CAMKK2: variants seen among roughly 807,000 people sequenced by gnomAD.
The protein encoded by CAMKK2 is calcium/calmodulin dependent protein kinase kinase 2.
In CAMKK2, 30 loss-of-function variants were observed where a neutral mutation model predicts 67.2. That is an observed-to-expected ratio of 0.45 (90% CI 0.33 to 0.61). The LOEUF (loss-of-function observed/expected upper bound fraction) is 0.61, where lower values mean the gene tolerates loss of function less well. CAMKK2 is among the 20% of genes least tolerant of loss of function. The pLI, the probability that CAMKK2 is intolerant of heterozygous loss-of-function variation, is 0.02. For missense variants in CAMKK2, 643 were observed against 802.0 expected (o/e 0.80, Z 2.39); for synonymous variants, 322 against 326.2 (o/e 0.99, Z 0.14).
At chr12:121,265,918 C>T (rs978861071) in intron 5 of CAMKK2, among the ~76,000 whole-genome samples, 8 of 151,590 alleles carry the variant, frequency 5.3e-5, no homozygotes, top group Admixed American at 3.9e-4. Flanking sequence ...TGTAAGGATG[C>T]GGTCAGAAGG....
At chr12:121,294,683 A>G (rs562265750) in intron 1 of CAMKK2, among the ~76,000 whole-genome samples, 1 of 152,290 alleles carries the variant, frequency 6.6e-6, no homozygotes, top group Non-Finnish European at 1.5e-5. Context: ...GAGCCCTTCT[A>G]TAAAATGGGG....
chr12:121,271,142 G>A (rs1895673046), intron 2 of CAMKK2, among the ~76,000 whole-genome samples, 197 bp from the exon 3 acceptor site: 1 of 151,858 alleles, frequency 6.6e-6, no homozygotes, highest in African/African-American at 2.4e-5. Context: ...AGGCGTGGTG[G>A]TGGGCACCTG....
intron 1 of CAMKK2, among the ~76,000 whole-genome samples, chr12:121,279,804 T>C (rs979352299): frequency 3.9e-5 from 6 of 152,212 alleles, no homozygotes; most frequent in African/African-American, 1.2e-4. Context: ...CTGGAGCAGA[T>C]GGACCCGGGA....
chr12:121,273,512 T>C lies in CAMKK2; in HGVS notation c.471+544A>G, dbSNP rs142271829. On this transcript the variant is annotated intron_variant, in intron 2 of 16. Transcript: ENST00000404169. Reference sequence around the variant, plus strand: ...CCTGTGAGAAATGCACAGCAAGTGCTGAACCCAGTGCCTGGTGCCAACACA... The same window carrying C: ...CCTGTGAGAAATGCACAGCAAGTGCCGAACCCAGTGCCTGGTGCCAACACA... Among the ~76,000 whole-genome samples the C allele has an allele frequency of 3.0e-3, 463 of 152,186 alleles. 2 individuals are homozygous for C. Among genetic ancestry groups the C allele is most frequent in the Admixed American group, 4.3e-3 (65 of 15,290 alleles).
intron 4 of CAMKK2, 98 bp from the exon 5 acceptor site, chr12:121,268,787 G>C (rs1186133373): frequency 9.0e-7 from 1 of 1,109,008 alleles, no homozygotes; most frequent in Non-Finnish European, 1.4e-6. Flanking sequence ...CTACTCCAAA[G>C]CCGGCCCAAG....
rs1017478209 is a variant in CAMKK2 at position 121,240,678 on chromosome 12, G to A, written c.*21C>T. ...CCCAGAGGCGACGCGGCGCGCATGC[G>A]AGGTCGAGCGATCCAGGCAGCTACT... On this transcript the variant is annotated 3_prime_UTR_variant, in exon 17 of 17. Coordinates refer to ENST00000404169, the MANE Select transcript of CAMKK2 (RefSeq NM_001270485.2). This position sits in a 1 kb window ranked among gnomAD's most constrained non-coding sequence, Gnocchi z 4.4. 1.9e-6 allele frequency: 3 copies of A among 1,576,120 alleles called. No homozygotes were observed. The highest frequency in any genetic ancestry group is 1.8e-5 in the Admixed American group (1 of 54,282).
chr12:121,281,359 G>A (rs1316197873), intron 1 of CAMKK2, among the ~76,000 whole-genome samples: 4 of 152,174 alleles, frequency 2.6e-5, no homozygotes, highest in Admixed American at 6.5e-5. Context: ...GCCTCATCCC[G>A]GGCACAACAA....
rs370790029 is a variant in CAMKK2 at position 121,283,318 on chromosome 12, CTGGCTCTCTCCT to C, written c.-59-8745_-59-8734del. Among the ~76,000 whole-genome samples the C allele has an allele frequency of 2.3e-3, 349 of 152,288 alleles. 3 individuals carry two copies. The highest frequency in any genetic ancestry group is 8.0e-3 in the African/African-American group (333 of 41,568). On this transcript the variant is annotated intron_variant, in intron 1 of 16. Transcript: ENST00000404169. ...GATCCAGTGACACCAACTGTTACAA[CTGGCTCTCTCCT>C]TCAGCGCTCTTTAATTTGGGGCCAC...
Position 121,248,598 on chromosome 12 carries a change from C to T in CAMKK2, c.1452+8G>A. 6.2e-7 allele frequency: 1 copy of T among 1,614,168 alleles called. No individual in the cohort carries two copies. Among genetic ancestry groups the T allele is most frequent in the African/African-American group, 1.3e-5 (1 of 75,064 alleles). ...CCCTGCTCTGGGTCAGGGGTCCATCCACCTTACCACGGTTGCCAAGCTGGG... is the reference window on the plus strand; with the variant it reads ...CCCTGCTCTGGGTCAGGGGTCCATCTACCTTACCACGGTTGCCAAGCTGGG... On this transcript the variant is annotated splice_region_variant and intron_variant, in intron 14 of 16. Coordinates refer to ENST00000404169, the MANE Select transcript of CAMKK2 (RefSeq NM_001270485.2).
At chr12:121,252,879 A>G (rs558359903) in intron 10 of CAMKK2, among the ~76,000 whole-genome samples, 165 bp from the exon 11 acceptor site, 12 of 152,262 alleles carry the variant, frequency 7.9e-5, no homozygotes, top group African/African-American at 2.6e-4. Flanking sequence ...GGCCAGGCCA[A>G]TGAGAGCACC....
At chr12:121,281,805 G>A (rs993135333) in intron 1 of CAMKK2, among the ~76,000 whole-genome samples, 3 of 152,212 alleles carry the variant, frequency 2.0e-5, no homozygotes, top group Admixed American at 6.5e-5. Context: ...AAATAGCCAG[G>A]TGTGGTGGCG....
chr12:121,293,223 A>G lies in CAMKK2; in HGVS notation c.-60+3415T>C, dbSNP rs146174202. The stretch of plus-strand genomic sequence containing the variant: ...ACCTGGGAGGCAGAGGTTGCAGTGA[A>G]CCGAGATCACACCACTGTACTCTGG... On this transcript the variant is annotated intron_variant, in intron 1 of 16. Coordinates refer to ENST00000404169, the MANE Select transcript of CAMKK2 (RefSeq NM_001270485.2). Among the ~76,000 whole-genome samples, 166 of 151,992 alleles carry G rather than the reference A, an allele frequency of 1.1e-3. 1 individual carries two copies. Among genetic ancestry groups the G allele is most frequent in the Non-Finnish European group, 2.0e-3 (138 of 67,966 alleles).
Position 121,249,837 on chromosome 12 carries a change from G to C in CAMKK2, c.1273C>G (p.Arg425Gly). The C allele has an allele frequency of 6.2e-7, 1 of 1,614,168 alleles. No homozygotes were observed. Among genetic ancestry groups the C allele is most frequent in the Non-Finnish European group, 8.5e-7 (1 of 1,180,014 alleles). Residue 425 changes from arginine to glycine, a missense_variant, in exon 13 of 17, where the codon CGT becomes GGT. Coordinates refer to ENST00000404169, the MANE Select transcript of CAMKK2 (RefSeq NM_001270485.2). ...IAEDLKDLIT[R>G]MLDKNPESRI... The stretch of plus-strand genomic sequence containing the variant: ...GACTCGGGGTTCTTGTCCAGCATAC[G>C]GGTGATCAGGTCCTTCAAGTCCTCA...
rs566649923 is a variant in CAMKK2, at chr12:121,245,727, C to T, written c.1453-487G>A. Among the ~76,000 whole-genome samples the T allele has an allele frequency of 2.0e-5, 3 of 152,328 alleles. No individual in the cohort carries two copies. The highest frequency in any genetic ancestry group is 6.5e-5 in the Admixed American group (1 of 15,304). On this transcript the variant is annotated intron_variant, in intron 14 of 16. Coordinates refer to ENST00000404169, the MANE Select transcript of CAMKK2 (RefSeq NM_001270485.2). The surrounding 1 kb of genome is among the most constrained non-coding windows in gnomAD (Gnocchi z 5.8). ...AGAGTCACTGGGCCCCTCACCCCAC[C>T]CCAACCAGGGCACGGTGCCCCTTCA...
At chr12:121,265,068 T>C (rs1894259593) in intron 5 of CAMKK2, among the ~76,000 whole-genome samples, 1 of 151,952 alleles carries the variant, frequency 6.6e-6, no homozygotes, top group Admixed American at 6.6e-5. Context: ...AACAAAAGGC[T>C]ATCTAGAAAG....
chr12:121,241,794 T>C (rs902784477), intron 16 of CAMKK2, among the ~76,000 whole-genome samples: 1 of 152,226 alleles, frequency 6.6e-6, no homozygotes, highest in Non-Finnish European at 1.5e-5. Context: ...TAACTAGACG[T>C]TAGGTCAGGC....
chr12:121,256,156 A>T (rs1349864940), intron 7 of CAMKK2, among the ~76,000 whole-genome samples: 1 of 152,224 alleles, frequency 6.6e-6, no homozygotes, highest in Non-Finnish European at 1.5e-5. Context: ...AGGTGGGCGA[A>T]TCACCTGAGG....
intron 1 of CAMKK2, among the ~76,000 whole-genome samples, chr12:121,281,549 A>C (rs1357378682): frequency 6.6e-6 from 1 of 152,260 alleles, no homozygotes; most frequent in Non-Finnish European, 1.5e-5. Flanking sequence ...TTGTTCTTAC[A>C]TGTAGTAATT....
intron 1 of CAMKK2, among the ~76,000 whole-genome samples, chr12:121,276,608 G>A (rs1896857128): frequency 6.6e-6 from 1 of 152,182 alleles, no homozygotes; most frequent in Admixed American, 6.5e-5. Flanking sequence ...CTGGAATTCA[G>A]GGAGTACATT....
Sources: gnomAD v4.1 joint callset for allele counts (sites outside exome capture counted in the v4.1 genomes callset) on GRCh38, gnomAD v4.1.1 for gene constraint, Gnocchi (gnomAD v3.1) non-coding constraint, MANE v1.5 for transcripts, NCBI Gene and HGNC (gene_info 2026-07-23, HGNC 2026-07-21) for gene names.